The following MYO5C variants were observed in gnomAD, a reference collection of about 807,000 sequenced individuals.
The protein encoded by MYO5C is unconventional myosin-Vc.
A neutral mutation model predicts 235.7 loss-of-function variants in MYO5C; 194 were observed. The observed-to-expected ratio is 0.82, with a 90% CI of 0.73 to 0.93. The LOEUF (loss-of-function observed/expected upper bound fraction) is 0.93. Among genes scored for constraint, MYO5C ranks in the 40% least tolerant of loss-of-function variants. The pLI is 0.00. For missense variants in MYO5C, 2,038 were observed against 2,127.2 expected (o/e 0.96, Z 0.82); for synonymous variants, 707 against 754.8 (o/e 0.94, Z 1.04).
intron 32 of MYO5C, among the ~76,000 whole-genome samples, chr15:52,217,070 C>T (rs991928417): frequency 1.1e-4 from 16 of 152,208 alleles, no homozygotes; most frequent in Non-Finnish European, 2.4e-4. Context: ...TGTTTTAAAG[C>T]ACCTGGTTTG....
At chr15:52,239,475 T>G (rs890470126) in intron 21 of MYO5C, among the ~76,000 whole-genome samples, 1 of 152,268 alleles carries the variant, frequency 6.6e-6, no homozygotes, top group Non-Finnish European at 1.5e-5. Flanking sequence ...AACACCTGCC[T>G]TGGCAAGCGG....
Position 52,205,032 on chromosome 15 carries a change from G to T in MYO5C, c.4653C>A (p.Val1551=). The T allele has an allele frequency of 6.2e-7, 1 of 1,614,252 alleles. No individual in the cohort carries two copies. Among genetic ancestry groups the T allele is most frequent in the East Asian group, 2.2e-5 (1 of 44,876 alleles). ...TGTAAAAGTAGCTCAGCTGTTGCAG[G>T]ACGGAGGTCATGGTGTAGCCGTCCG... The part of the protein sequence containing the change: ...DDTDGYTMTS[V]LQQLSYFYTT... The change falls in exon 38 of 41, where the codon GTC becomes GTA. Residue 1551 remains valine (V), a synonymous_variant. Coordinates refer to ENST00000261839, the MANE Select transcript of MYO5C (RefSeq NM_018728.4).
At chr15:52,223,909 G>A (rs1267472795) in intron 28 of MYO5C, among the ~76,000 whole-genome samples, 185 bp from the exon 29 acceptor site, 2 of 152,174 alleles carry the variant, frequency 1.3e-5, no homozygotes, top group Non-Finnish European at 2.9e-5. Context: ...AGCTAGTTAG[G>A]AAGCATTATG....
At chr15:52,221,122 A>C (rs779737424) in intron 30 of MYO5C, 40 bp downstream of exon 30, 4 of 1,506,418 alleles carry the variant, frequency 2.7e-6, no homozygotes. Flanking sequence ...GGGTACAGGA[A>C]ACCGTTTTCT....
intron 5 of MYO5C, among the ~76,000 whole-genome samples, chr15:52,275,107 A>G (rs2037012068): frequency 6.6e-6 from 1 of 152,234 alleles, no homozygotes; most frequent in Non-Finnish European, 1.5e-5. Context: ...CAGGAGGAAG[A>G]GTCTTGACAT....
chr15:52,250,268 G>A (rs1247847664), intron 13 of MYO5C, among the ~76,000 whole-genome samples: 1 of 145,018 alleles, frequency 6.9e-6, no homozygotes, highest in Non-Finnish European at 1.5e-5. Flanking sequence ...TTTGAGACAG[G>A]GTCTCACTCT....
intron 36 of MYO5C, among the ~76,000 whole-genome samples, chr15:52,206,686 C>G (rs1350842176): frequency 6.6e-6 from 1 of 152,188 alleles, no homozygotes; most frequent in Non-Finnish European, 1.5e-5. Context: ...TGCTGGCACC[C>G]TGATCTCAGA....
intron 19 of MYO5C, 52 bp from the exon 20 acceptor site, chr15:52,242,265 C>A: frequency 6.5e-7 from 1 of 1,548,132 alleles, no homozygotes; most frequent in South Asian, 1.2e-5. Flanking sequence ...GCATCAACTT[C>A]CATAACAGAG....
At chr15:52,260,810 C>T (rs4497629) in intron 10 of MYO5C, 52 bp downstream of exon 10, 3 of 1,575,130 alleles carry the variant, frequency 1.9e-6, no homozygotes, top group African/African-American at 2.7e-5. Context: ...AAAAACCATG[C>T]GGCTCTCAAC....
chr15:52,283,140 G>A (rs747993643), intron 1 of MYO5C, among the ~76,000 whole-genome samples: 23 of 152,114 alleles, frequency 1.5e-4, no homozygotes, highest in Non-Finnish European at 2.6e-4. Context: ...AAGCCTGTAC[G>A]TGGGAAAGAA....
At chr15:52,286,797 A>C (rs912674237) in intron 1 of MYO5C, among the ~76,000 whole-genome samples, 2 of 152,044 alleles carry the variant, frequency 1.3e-5, no homozygotes, top group African/African-American at 4.8e-5. Flanking sequence ...AGGGACACAA[A>C]CACTGAGGAA....
intron 4 of MYO5C, among the ~76,000 whole-genome samples, chr15:52,278,536 G>A (rs7162691): frequency 0.2 from 29,611 of 148,634 alleles, 3,239 homozygotes; most frequent in African/African-American, 0.29. Context: ...TCCTGCAATG[G>A]GTAAAAAAAA....
chr15:52,193,772 T>C lies in MYO5C; in HGVS notation c.*130A>G. On this transcript the variant is annotated 3_prime_UTR_variant, in exon 41 of 41. Transcript: ENST00000261839. ...TCACTGTGAGTGAGAGATGATGTGG[T>C]CCATTTGAGAAAAGTCTGTTTTCTT... 1 of 917,758 alleles carries C rather than the reference T, an allele frequency of 1.1e-6. No homozygotes were observed. Among genetic ancestry groups the C allele is most frequent in the Non-Finnish European group, 1.6e-6 (1 of 607,150 alleles). 56.9% of individuals were successfully genotyped at this position (917,758 alleles called of 1,614,324 possible).
chr15:52,281,950 T>C (rs1330532937), intron 2 of MYO5C, among the ~76,000 whole-genome samples: 1 of 152,240 alleles, frequency 6.6e-6, no homozygotes, highest in Non-Finnish European at 1.5e-5. Flanking sequence ...ACCCAGATAC[T>C]TGATTCTAAA....
chr15:52,244,254 T>G, intron 19 of MYO5C, 102 bp downstream of exon 19: 1 of 1,175,984 alleles, frequency 8.5e-7, no homozygotes, highest in Non-Finnish European at 1.2e-6. Flanking sequence ...GCACCCTGGG[T>G]CACAGGAGAA....
Position 52,251,509 on chromosome 15 carries a change from G to C in MYO5C, c.1543C>G (p.His515Asp). The change falls in exon 13 of 41, where the codon CAT (histidine) becomes GAT (aspartate). Residue 515 changes from histidine to aspartate, a missense_variant. Coordinates refer to ENST00000261839, the MANE Select transcript of MYO5C (RefSeq NM_018728.4). Reference sequence around the variant, plus strand: ...TGAAGCCAGTTTTCATCAGTTCCATGTGGTAACTGGAAAAGAAAAATAAAC... The same window carrying C: ...TGAAGCCAGTTTTCATCAGTTCCATCTGGTAACTGGAAAAGAAAAATAAAC... Reference protein sequence around the residue: ...ELLDEECLLPHGTDENWLQKL... With the variant: ...ELLDEECLLPDGTDENWLQKL... 6.3e-7 allele frequency: 1 copy of C among 1,594,792 alleles called. No homozygotes were observed. The highest frequency in any genetic ancestry group is 8.5e-7 in the Non-Finnish European group (1 of 1,170,422).
chr15:52,237,602 A>G lies in MYO5C; in HGVS notation c.2748T>C (p.Ala916=), dbSNP rs368964581. 1.9e-6 allele frequency: 3 copies of G among 1,613,974 alleles called. No homozygotes were observed. The African/African-American group carries it at 4.0e-5, about 22-fold the overall frequency. ...HGLVEKLTSL[A]ALRAGDVEKI... is the part of the protein sequence containing the mutation. ...TTTCCACATCCCCAGCTCGAAGAGC[A>G]GCCAGGCTAGTCAGCTTCTCCACCA... The change falls in exon 22 of 41, where the codon GCT becomes GCC. Residue 916 remains alanine, a synonymous_variant. Coordinates refer to ENST00000261839, the MANE Select transcript of MYO5C (RefSeq NM_018728.4).
intron 20 of MYO5C, among the ~76,000 whole-genome samples, chr15:52,241,768 G>T (rs1391485832): frequency 9.2e-5 from 14 of 151,954 alleles, no homozygotes; most frequent in Admixed American, 9.2e-4. Flanking sequence ...GAGAGACAGG[G>T]TCTCCCTCTG....
In MYO5C at chr15:52,197,426, G is replaced by C. The variant is rs116695792; in HGVS notation, c.4821-943C>G. Among the ~76,000 whole-genome samples, 493 of 152,282 alleles carry C rather than the reference G, an allele frequency of 3.2e-3. 3 individuals carry two copies. The highest frequency in any genetic ancestry group is 0.012 in the African/African-American group (481 of 41,566). ...GATTTCATTTATTTTTAAATGTCCA[G>C]AATAGGCAAAATCTGTAGAGAAAGA... On this transcript the variant is annotated intron_variant, in intron 38 of 40. Coordinates refer to ENST00000261839, the MANE Select transcript of MYO5C (RefSeq NM_018728.4).
Sources: gnomAD v4.1 joint callset for allele counts (sites outside exome capture counted in the v4.1 genomes callset) on GRCh38, gnomAD v4.1.1 for gene constraint, MANE v1.5 for transcripts, NCBI Gene and HGNC (gene_info 2026-07-23, HGNC 2026-07-21) for gene names.